Variants in CCDC158 observed in about 807,000 individuals in gnomAD.
The protein encoded by CCDC158 is coiled-coil domain-containing protein 158.
A neutral mutation model predicts 138.6 loss-of-function variants in CCDC158; 116 were observed. That is an observed-to-expected ratio of 0.84 (90% CI 0.72 to 0.98). The LOEUF (loss-of-function observed/expected upper bound fraction) is 0.98, where lower values mean the gene tolerates loss of function less well. Among genes scored for constraint, CCDC158 ranks in the 50% least tolerant of loss-of-function variants. CCDC158 has a pLI of 0.00. For missense variants in CCDC158, 1,265 were observed against 1,306.1 expected (o/e 0.97, Z 0.48); for synonymous variants, 436 against 442.4 (o/e 0.99, Z 0.18).
chr4:76,383,969 G>T, intron 6 of CCDC158, 119 bp downstream of exon 6: 1 of 840,394 alleles, frequency 1.2e-6, no homozygotes, highest in Non-Finnish European at 1.8e-6. Context: ...AGTAACTTCT[G>T]TTATTTCAGA....
chr4:76,319,495 T>A (rs1455181627), intron 24 of CCDC158, among the ~76,000 whole-genome samples: 2 of 88,770 alleles, frequency 2.3e-5, no homozygotes, highest in Non-Finnish European at 4.2e-5. Context: ...TATATATATA[T>A]ATATATATAT....
At chr4:76,329,958 C>T (rs987446482) in intron 21 of CCDC158, among the ~76,000 whole-genome samples, 5 of 152,118 alleles carry the variant, frequency 3.3e-5, no homozygotes, top group African/African-American at 1.2e-4. Flanking sequence ...AACATGTTTT[C>T]TCAATGACGT....
intron 21 of CCDC158, 70 bp from the exon 22 acceptor site, chr4:76,329,037 G>T: frequency 1.6e-6 from 2 of 1,242,292 alleles, no homozygotes; most frequent in Non-Finnish European, 2.4e-6. Context: ...ATAGATAGAA[G>T]CAAGTGAACA....
chr4:76,405,354 C>T (rs1003609756), intron 2 of CCDC158, among the ~76,000 whole-genome samples: 36 of 152,130 alleles, frequency 2.4e-4, no homozygotes, highest in Non-Finnish European at 1.6e-4. Context: ...GACACTGTGC[C>T]GTGTGCCTCT....
Position 76,396,290 on chromosome 4 carries a change from A to G in CCDC158, c.267T>C (p.Asp89=). The G allele has an allele frequency of 1.2e-6, 2 of 1,612,964 alleles. No individual in the cohort carries two copies. The highest frequency in any genetic ancestry group is 2.2e-5 in the South Asian group (2 of 90,706). Residue 89 remains aspartate (D), a synonymous_variant, in exon 4 of 25, where the codon GAT becomes GAC. Coordinates refer to ENST00000682701, the MANE Select transcript of CCDC158 (RefSeq NM_001394954.1). ...VLEEYSHQVK[D]LQRRLNESNE... is the part of the protein sequence containing the mutation. ...TCACTTCATTTAGTCTTCTCTGTAAATCTTTGACTTGATGTGAATATTCTT... is the reference window on the plus strand; with the variant it reads ...TCACTTCATTTAGTCTTCTCTGTAAGTCTTTGACTTGATGTGAATATTCTT...
At chr4:76,346,641 C>T (rs570379674) in intron 18 of CCDC158, among the ~76,000 whole-genome samples, 17 of 152,168 alleles carry the variant, frequency 1.1e-4, no homozygotes, top group Non-Finnish European at 2.2e-4. Flanking sequence ...ACCCGGGAGG[C>T]GGAGGTGGCA....
intron 4 of CCDC158, among the ~76,000 whole-genome samples, chr4:76,392,649 TAGAG>T (rs1727418140): frequency 1.3e-5 from 2 of 151,664 alleles, no homozygotes; most frequent in Non-Finnish European, 3.0e-5. Flanking sequence ...AGCAATCACA[TAGAG>T]AAAGAAAGAA....
At chr4:76,376,563 TATTCA>T (rs34496868) in intron 9 of CCDC158, among the ~76,000 whole-genome samples, 4,035 of 152,338 alleles carry the variant, frequency 0.026, 172 homozygotes, top group African/African-American at 0.092. Context: ...TTAGATTTTA[TATTCA>T]ATTCATTATA....
rs571258016 is a variant in CCDC158, at chr4:76,379,964, C to T, written c.915-560G>A. Among the ~76,000 whole-genome samples the T allele has an allele frequency of 5.5e-4, 83 of 152,228 alleles. 1 individual carries two copies. The highest frequency in any genetic ancestry group is 1.9e-3 in the South Asian group (9 of 4,818). On this transcript the variant is annotated intron_variant, in intron 8 of 24. Transcript: ENST00000682701. ...ATGGCACTTCCCCCCTTTCCTGCTCCGCCATGGTAAGATGTGTTTGCTTTC... is the reference window on the plus strand; with the variant it reads ...ATGGCACTTCCCCCCTTTCCTGCTCTGCCATGGTAAGATGTGTTTGCTTTC...
At chr4:76,407,505 A>G (rs1690865327) in intron 2 of CCDC158, among the ~76,000 whole-genome samples, 2 of 152,180 alleles carry the variant, frequency 1.3e-5, no homozygotes, top group African/African-American at 4.8e-5. Context: ...GCTGTGTACA[A>G]GAAGGATGCC....
At chr4:76,330,482 C>T (rs566656469) in intron 21 of CCDC158, among the ~76,000 whole-genome samples, 20 of 152,010 alleles carry the variant, frequency 1.3e-4, no homozygotes, top group Admixed American at 3.9e-4. Context: ...CCAGGTGAGA[C>T]GGAAATAAAA....
intron 18 of CCDC158, among the ~76,000 whole-genome samples, chr4:76,343,003 C>T (rs1043785425): frequency 9.2e-5 from 14 of 152,146 alleles, no homozygotes; most frequent in African/African-American, 3.4e-4. Flanking sequence ...CTCATTCTTT[C>T]CCCCTAAATG....
At chr4:76,385,227 T>A (rs1017650463) in intron 4 of CCDC158, among the ~76,000 whole-genome samples, 5 of 152,136 alleles carry the variant, frequency 3.3e-5, no homozygotes, top group African/African-American at 1.2e-4. Flanking sequence ...AAGTTTGCCA[T>A]CAGATTTTTT....
chr4:76,318,945 T>A (rs1251685359), intron 24 of CCDC158, among the ~76,000 whole-genome samples: 1 of 150,606 alleles, frequency 6.6e-6, no homozygotes, highest in African/African-American at 2.4e-5. Context: ...CTGGCCAACA[T>A]GGTGAAACCC....
Position 76,348,342 on chromosome 4 carries a change from G to C in CCDC158, c.2664+2654C>G, listed in dbSNP as rs890420145. ...CCCAGCTACTCGGGAGGCTGAGGCA[G>C]GAGAATGGCGTGAACCCGGAAGGCG... On this transcript the variant is annotated intron_variant, in intron 18 of 24. Transcript: ENST00000682701. Among the ~76,000 whole-genome samples, 9 of 149,450 alleles carry C rather than the reference G, an allele frequency of 6.0e-5. No homozygotes were observed. The South Asian group carries it at 1.9e-3, about 31-fold the overall frequency.
chr4:76,337,719 C>G (rs1721651797), intron 18 of CCDC158, among the ~76,000 whole-genome samples: 1 of 147,028 alleles, frequency 6.8e-6, no homozygotes, highest in Admixed American at 6.8e-5. Context: ...GCAACAAGAG[C>G]AAAACTCCAT....
chr4:76,396,227 TC>T (rs2109832129), intron 4 of CCDC158, 41 bp downstream of exon 4: 9 of 1,406,250 alleles, frequency 6.4e-6, no homozygotes, highest in Non-Finnish European at 8.9e-6. Flanking sequence ...CTCACTGTTG[TC>T]CCCCAAATAG....
At chr4:76,356,219 C>T (rs1044106164) in intron 14 of CCDC158, among the ~76,000 whole-genome samples, 1 of 152,082 alleles carries the variant, frequency 6.6e-6, no homozygotes, top group African/African-American at 2.4e-5. Context: ...TACAGTTCTT[C>T]TATCTAAACT....
Position 76,325,957 on chromosome 4 carries a change from A to G in CCDC158, c.3069T>C (p.Ser1023=). The G allele has an allele frequency of 6.2e-7, 1 of 1,613,610 alleles. No individual in the cohort carries two copies. The highest frequency in any genetic ancestry group is 8.5e-7 in the Non-Finnish European group (1 of 1,179,626). ...SRSFNSSPKK[S]PVHSLLTSSV... is the part of the protein sequence containing the mutation. ...AACTAGTTAGGAGTGAGTGCACTGG[A>G]GACTTCTTAGGAGAAGAATTGAATG... is the stretch of plus-strand genomic sequence containing the variant. The change falls in exon 23 of 25, where the codon TCT becomes TCC. Residue 1023 remains serine, a synonymous_variant. Transcript: ENST00000682701.
Sources: allele counts gnomAD v4.1 joint callset (sites outside exome capture counted in the v4.1 genomes callset), GRCh38; gene constraint gnomAD v4.1.1; transcripts MANE v1.5; gene names NCBI Gene and HGNC (gene_info 2026-07-23, HGNC 2026-07-21).